Variants in TTN observed in about 807,000 individuals in gnomAD.
The protein encoded by TTN is titin, also known as connectin.
Under a neutral mutation model 3,223.0 loss-of-function variants are expected in TTN, and 1,525 were observed. The observed-to-expected ratio is 0.47, with a 90% CI of 0.45 to 0.49. The LOEUF is 0.49. Among genes scored for constraint, TTN ranks in the 20% least tolerant of loss-of-function variants. The probability of loss-of-function intolerance (pLI) is 0.00; values close to 1 mark genes in which losing one functional copy is unlikely to be tolerated. For synonymous variants in TTN, 14,094 were observed against 15,161.0 expected (o/e 0.93, Z 5.17); for missense variants, 40,786 against 43,424.0 (o/e 0.94, Z 5.40).
At position 178,793,635 on chromosome 2, in the gene TTN, C is replaced by A. The variant is rs1053987411; in HGVS notation, c.1399-94G>T. On this transcript the variant is annotated intron_variant, in intron 8 of 362. Coordinates refer to ENST00000589042, the MANE Select transcript of TTN (RefSeq NM_001267550.2). ...CTCGCCAACATGGTGAAATCCTCTA[C>A]TAAAAAATACAAAAATTAGCTGGGT... 2.6e-6 allele frequency: 4 copies of A among 1,565,226 alleles called. No homozygotes were observed. In the African/African-American group the frequency reaches 4.1e-5, roughly 16 times the overall value.
rs1204148672 is a variant in TTN at position 178,722,289 on chromosome 2, C to A, written c.22498G>T (p.Ala7500Ser). 6.2e-7 allele frequency: 1 copy of A among 1,604,576 alleles called. No homozygotes were observed. Among genetic ancestry groups the A allele is most frequent in the Admixed American group, 1.7e-5 (1 of 59,296 alleles). Residue 7500 changes from alanine (A) to serine (S), a missense_variant, in exon 77 of 363, where the codon GCA becomes TCA. Transcript: ENST00000589042. Reference protein sequence around the residue: ...SCSASNPLGTASSSARLTARE... With the variant: ...SCSASNPLGTSSSSARLTARE... ...GCTGTGAGTCTAGCACTAGAAGATG[C>A]TGTTCCAAGTGGGTTGGAAGCTGAG...
Position 178,535,793 on chromosome 2 carries a change from GA to G in TTN, c.100821del (p.Leu33608SerfsTer19). On this transcript the variant is annotated frameshift_variant, in exon 358 of 363. Transcript: ENST00000589042. LOFTEE classifies it high-confidence loss of function. ...TTGATGCTGACCACTTCACCTCGGA[GA>G]GCATGAACTGCTCCCATGCCTTCAA... ...KTLEGMGAVH[A>X]LRGEVVSIKI... 6.2e-7 allele frequency: 1 copy of G among 1,611,670 alleles called. No homozygotes were observed. Among genetic ancestry groups the G allele is most frequent in the Admixed American group, 1.7e-5 (1 of 59,916 alleles).
rs2154172842 is a variant in TTN at position 178,576,244 on chromosome 2, G to C, written c.69888C>G (p.Leu23296=). The C allele has an allele frequency of 6.2e-7, 1 of 1,612,636 alleles. No homozygotes were observed. The highest frequency in any genetic ancestry group is 1.7e-5 in the Admixed American group (1 of 59,932). ...CAGGAACAACGAACTGAGTGATTCT[G>C]AGGGCGGTTCCTGTGGTATCTTTTA... ...AWIKDTTGTA[L]RITQFVVPDL... The change falls in exon 326 of 363, where the codon CTC becomes CTG. Residue 23296 remains leucine (L), a synonymous_variant. Coordinates refer to ENST00000589042, the MANE Select transcript of TTN (RefSeq NM_001267550.2). The surrounding 1 kb of genome is among the most constrained non-coding windows in gnomAD (Gnocchi z 4.3).
At position 178,740,615 on chromosome 2, in the gene TTN, T is replaced by C. The variant is rs2082322839; in HGVS notation, c.12618A>G (p.Leu4206=). 6.2e-7 allele frequency: 1 copy of C among 1,613,776 alleles called. No homozygotes were observed. The highest frequency in any genetic ancestry group is 8.5e-7 in the Non-Finnish European group (1 of 1,179,832). The change falls in exon 48 of 363, where the codon TTA becomes TTG. Residue 4206 remains leucine (L), a synonymous_variant. Transcript: ENST00000589042. ...GTGGATAATTCCCTTCAGGTTCAGC[T>C]AATAAAGTTTTCAGAGGCTCAACTG... The part of the protein sequence containing the change: ...SLTVEPLKTL[L]AEPEGNYPQS...
rs770400064 is a variant in TTN, at chr2:178,548,879, G to A, written c.92747C>T (p.Ala30916Val). The A allele has an allele frequency of 6.2e-7, 1 of 1,613,740 alleles. No individual in the cohort carries two copies. Among genetic ancestry groups the A allele is most frequent in the Non-Finnish European group, 8.5e-7 (1 of 1,179,816 alleles). ...DSCEVTGTIKAVDRLTAPELD... is the reference protein window; with the variant it reads ...DSCEVTGTIKVVDRLTAPELD... Reference sequence around the variant, plus strand: ...CTCAGGAGCTGTTAACCGGTCAACTGCTTTAATTGTGCCAGTCACTTCACA... The same window carrying A: ...CTCAGGAGCTGTTAACCGGTCAACTACTTTAATTGTGCCAGTCACTTCACA... Residue 30916 changes from alanine (A) to valine (V), a missense_variant, in exon 339 of 363, where the codon GCA becomes GTA. By Grantham distance (64) the Ala-to-Val change is moderately conservative. Transcript: ENST00000589042. This position sits in a 1 kb window ranked among gnomAD's most constrained non-coding sequence, Gnocchi z 4.3.
chr2:178,773,278 A>T lies in TTN; in HGVS notation c.7686T>A (p.Asp2562Glu). 6.2e-7 allele frequency: 1 copy of T among 1,613,994 alleles called. No individual in the cohort carries two copies. Among genetic ancestry groups the T allele is most frequent in the Admixed American group, 1.7e-5 (1 of 59,994 alleles). Residue 2562 changes from aspartate (D) to glutamate (E), a missense_variant, in exon 33 of 363, where the codon GAT (aspartate) becomes GAA (glutamate). By Grantham distance (45) the Asp-to-Glu change is conservative. Transcript: ENST00000589042. ...FEVELSHSGIDVLWNFKDKEI... is the reference protein window; with the variant it reads ...FEVELSHSGIEVLWNFKDKEI... ...CCTTGTCCTTAAAATTCCACAGGACATCAATTCCAGAGTGGGACAGCTCAA... is the reference window on the plus strand; with the variant it reads ...CCTTGTCCTTAAAATTCCACAGGACTTCAATTCCAGAGTGGGACAGCTCAA...
chr2:178,759,641 A>C (rs926095592), intron 43 of TTN, among the ~76,000 whole-genome samples: 2 of 152,250 alleles, frequency 1.3e-5, no homozygotes, highest in Non-Finnish European at 2.9e-5. Flanking sequence ...TGAGAAGATC[A>C]AGATATGAAA....
chr2:178,533,621 T>C lies in TTN; in HGVS notation c.102994A>G (p.Thr34332Ala), dbSNP rs1450806366. 5 of 1,613,870 alleles carry C rather than the reference T, an allele frequency of 3.1e-6. No homozygotes were observed. The highest frequency in any genetic ancestry group is 1.7e-5 in the Admixed American group (1 of 60,002). Reference sequence around the variant, plus strand: ...CCATATTTGTTCCTTGCCACAACAGTATATTCAGCGTCATCATCTGTAGTG... The same window carrying C: ...CCATATTTGTTCCTTGCCACAACAGCATATTCAGCGTCATCATCTGTAGTG... The part of the protein sequence containing the change: ...SVTTDDDAEY[T>A]VVARNKYGED... Residue 34332 changes from threonine to alanine, a missense_variant, in exon 358 of 363, where the codon ACT becomes GCT. Transcript: ENST00000589042.
In TTN at chr2:178,618,043, C is replaced by T. The variant is rs376192778; in HGVS notation, c.47308G>A (p.Val15770Met). 6.2e-7 allele frequency: 1 copy of T among 1,612,260 alleles called. No homozygotes were observed. Among genetic ancestry groups the T allele is most frequent in the African/African-American group, 1.3e-5 (1 of 74,808 alleles). ...GPPLNVTITDVNRFGVSLTWE... is the reference protein window; with the variant it reads ...GPPLNVTITDMNRFGVSLTWE... Reference sequence around the variant, plus strand: ...GTCAGTGAGACACCAAATCGATTCACATCAGTGATGGTTACATTCAAAGGA... The same window carrying T: ...GTCAGTGAGACACCAAATCGATTCATATCAGTGATGGTTACATTCAAAGGA... Residue 15770 changes from valine to methionine, a missense_variant, in exon 253 of 363, where the codon GTG becomes ATG. Val to Met is a conservative substitution (Grantham distance 21). Transcript: ENST00000589042.
intron 111 of TTN, among the ~76,000 whole-genome samples, chr2:178,700,179 C>T (rs1392738131): frequency 6.6e-6 from 1 of 152,128 alleles, no homozygotes; most frequent in Non-Finnish European, 1.5e-5. Flanking sequence ...ATTGTTGATT[C>T]TTGTTCCTCT....
At chr2:178,615,240 T>A in intron 259 of TTN, 67 bp downstream of exon 259, 2 of 1,552,224 alleles carry the variant, frequency 1.3e-6, no homozygotes, top group Non-Finnish European at 1.8e-6. Flanking sequence ...ATTTAAATTT[T>A]CCCCAACAAA....
In TTN at chr2:178,532,526, T is replaced by A; in HGVS notation, c.104089A>T (p.Ser34697Cys). 1 of 1,613,952 alleles carries A rather than the reference T, an allele frequency of 6.2e-7. No homozygotes were observed. Among genetic ancestry groups the A allele is most frequent in the East Asian group, 2.2e-5 (1 of 44,884 alleles). ...AGCTCAAAGTGTGGAGGGCTTCGAC[T>A]TGGGGGTGAAGCTGAAAAACCTAAC... ...LELGFSASPP[S>C]RSPPHFELSS... Residue 34697 changes from serine to cysteine, a missense_variant, in exon 358 of 363, where the codon AGT becomes TGT. By Grantham distance (112) the Ser-to-Cys change is moderately radical (BLOSUM62 -1). Coordinates refer to ENST00000589042, the MANE Select transcript of TTN (RefSeq NM_001267550.2).
intron 268 of TTN, 36 bp from the exon 269 acceptor site, chr2:178,611,713 C>T (rs1270617576): frequency 1.9e-6 from 3 of 1,612,002 alleles, no homozygotes; most frequent in Admixed American, 1.7e-5. Flanking sequence ...TCCACAGTCT[C>T]ATCAAGTTCT....
At position 178,718,536 on chromosome 2, in the gene TTN, G is replaced by C. The variant is rs752689161; in HGVS notation, c.24570C>G (p.Leu8190=). The change falls in exon 85 of 363, where the codon CTC becomes CTG. Residue 8190 remains leucine (L), a synonymous_variant. Coordinates refer to ENST00000589042, the MANE Select transcript of TTN (RefSeq NM_001267550.2). Reference sequence around the variant, plus strand: ...GAGGTGTGCCAGTGTATGTGGCCTCGAGAACTATGGGGCTTCCTGTCTCAA... The same window carrying C: ...GAGGTGTGCCAGTGTATGTGGCCTCCAGAACTATGGGGCTTCCTGTCTCAA... ...FSVETGSPIV[L]EATYTGTPPI... The C allele has an allele frequency of 6.2e-7, 1 of 1,613,552 alleles. No homozygotes were observed. The highest frequency in any genetic ancestry group is 8.5e-7 in the Non-Finnish European group (1 of 1,179,714).
chr2:178,757,403 G>A (rs1251347398), intron 45 of TTN, 139 bp downstream of exon 45: 1 of 1,095,556 alleles, frequency 9.1e-7, no homozygotes, highest in Non-Finnish European at 1.2e-6. Context: ...CCTAGCGGGA[G>A]TTATTGCATG....
In TTN at chr2:178,739,394, C is replaced by T. The variant is rs1307850717; in HGVS notation, c.13839G>A (p.Val4613=). ...TATCACCTTCCTCAGAAACAGTGTC[C>T]ACTAAAGGTGTATGTATCATGGGGC... ...EDGPMIHTPL[V]DTVSEEGDIV... is the part of the protein sequence containing the mutation. The change falls in exon 48 of 363, where the codon GTG becomes GTA. Residue 4613 remains valine (V), a synonymous_variant. Coordinates refer to ENST00000589042, the MANE Select transcript of TTN (RefSeq NM_001267550.2). The T allele has an allele frequency of 7.4e-6, 12 of 1,613,726 alleles. No individual in the cohort carries two copies. The highest frequency in any genetic ancestry group is 1.1e-5 in the South Asian group (1 of 91,076).
chr2:178,546,450 G>C lies in TTN; in HGVS notation c.94881C>G (p.Ile31627Met). The C allele has an allele frequency of 1.2e-6, 2 of 1,613,674 alleles. No individual in the cohort carries two copies. The highest frequency in any genetic ancestry group is 2.2e-5 in the South Asian group (2 of 91,068). ...CCAGAACAAGATCAGAACCTGCTCT[G>C]ATGGTAACCAGATCACCGTGTAATC... ...DARLHGDLVT[I>M]RAGSDLVLDA... The change falls in exon 342 of 363, where the codon ATC becomes ATG. Residue 31627 changes from isoleucine to methionine, a missense_variant. Ile to Met is a conservative substitution (Grantham distance 10). Transcript: ENST00000589042.
At position 178,538,507 on chromosome 2, in the gene TTN, T is replaced by C. The variant is rs765284885; in HGVS notation, c.99289+33A>G. ...AATTAGCCTTAACTTGTTTAGTTTG[T>C]AAATCATAAGTAGAGAACCAAAGGC... On this transcript the variant is annotated intron_variant, in intron 354 of 362. Coordinates refer to ENST00000589042, the MANE Select transcript of TTN (RefSeq NM_001267550.2). 5.1e-6 allele frequency: 8 copies of C among 1,569,532 alleles called. No homozygotes were observed. The South Asian group carries it at 9.6e-5, about 19-fold the overall frequency.
intron 78 of TTN, 110 bp downstream of exon 78, chr2:178,721,737 A>G: frequency 8.1e-7 from 1 of 1,227,300 alleles, no homozygotes; most frequent in South Asian, 2.2e-5. Context: ...CACAAATTCT[A>G]ACATGTCCAG....
Sources: gnomAD v4.1 joint callset for allele counts (sites outside exome capture counted in the v4.1 genomes callset) on GRCh38, gnomAD v4.1.1 for gene constraint, Gnocchi (gnomAD v3.1) non-coding constraint, MANE v1.5 for transcripts, NCBI Gene and HGNC (gene_info 2026-07-23, HGNC 2026-07-21) for gene names.